Variants in RAD51B observed in about 807,000 individuals in gnomAD.
RAD51B encodes DNA repair protein RAD51 homolog 2.
A neutral mutation model predicts 42.2 loss-of-function variants in RAD51B; 38 were observed. That is an observed-to-expected ratio of 0.90 (90% CI 0.70 to 1.18). The LOEUF is 1.18. Ranked by LOEUF, RAD51B falls within the 50% of genes most tolerant of loss-of-function variation. The probability of loss-of-function intolerance (pLI) is 0.00; values close to 1 mark genes in which losing one functional copy is unlikely to be tolerated. For missense variants in RAD51B, 373 were observed against 400.7 expected (o/e 0.93, Z 0.59); for synonymous variants, 154 against 145.2 (o/e 1.06, Z -0.43).
At chr14:67,982,314 A>G (rs1434472063) in intron 7 of RAD51B, among the ~76,000 whole-genome samples, 1 of 152,240 alleles carries the variant, frequency 6.6e-6, no homozygotes, top group African/African-American at 2.4e-5. Context: ...AAAAAATTGT[A>G]AAGAGGTGTT....
At chr14:68,503,559 GACAA>G (rs1376280992) in intron 10 of RAD51B, among the ~76,000 whole-genome samples, 1 of 152,162 alleles carries the variant, frequency 6.6e-6, no homozygotes, top group Non-Finnish European at 1.5e-5. Flanking sequence ...TTTTCCAGGT[GACAA>G]ACAGAGATTC....
chr14:68,081,272 T>C (rs2076908182), intron 7 of RAD51B, among the ~76,000 whole-genome samples: 1 of 152,282 alleles, frequency 6.6e-6, no homozygotes, highest in African/African-American at 2.4e-5. Context: ...TACTGAGTTG[T>C]TTTTTGTTTT....
downstream of RAD51B, among the ~76,000 whole-genome samples, chr14:68,479,534 C>G (rs1465421415): frequency 6.6e-6 from 1 of 152,178 alleles, no homozygotes; most frequent in South Asian, 2.1e-4. Context: ...AAATTTCCCC[C>G]AGTTTATTCC....
At chr14:68,383,016 C>T (rs1008249552) in intron 8 of RAD51B, among the ~76,000 whole-genome samples, 1 of 152,120 alleles carries the variant, frequency 6.6e-6, no homozygotes, top group Non-Finnish European at 1.5e-5. Flanking sequence ...CCTCTTTCTA[C>T]ATAAGAAACC....
chr14:68,169,311 C>G (rs968724101), intron 7 of RAD51B, among the ~76,000 whole-genome samples: 1 of 152,102 alleles, frequency 6.6e-6, no homozygotes, highest in African/African-American at 2.4e-5. Flanking sequence ...CTCATACAGC[C>G]TGCTTTCATT....
chr14:68,458,651 C>G (rs558562982), intron 9 of RAD51B, among the ~76,000 whole-genome samples: 5 of 150,410 alleles, frequency 3.3e-5, no homozygotes, highest in Non-Finnish European at 7.4e-5. Context: ...AGAGACTCTT[C>G]CCAGAGACTA....
intron 3 of RAD51B, among the ~76,000 whole-genome samples, chr14:67,831,065 C>CA (rs10636337): frequency 1.3e-5 from 2 of 151,084 alleles, no homozygotes; most frequent in Non-Finnish European, 3.0e-5. Context: ...TTAGTAGAGA[C>CA]GGTTTCAGCA....
intron 10 of RAD51B, among the ~76,000 whole-genome samples, chr14:68,484,304 C>G (rs1883432564): frequency 6.6e-6 from 1 of 151,964 alleles, no homozygotes; most frequent in Non-Finnish European, 1.5e-5. Context: ...TTCAACCTAC[C>G]TGCATGAAAC....
intron 7 of RAD51B, among the ~76,000 whole-genome samples, chr14:68,122,040 G>A (rs1307307036): frequency 6.6e-6 from 1 of 151,980 alleles, no homozygotes; most frequent in East Asian, 1.9e-4. Context: ...ATTAGGCAAA[G>A]AAATGGAGTT....
Position 67,948,048 on chromosome 14 carries a change from A to G in RAD51B, c.756+60844A>G, listed in dbSNP as rs907414513. 8.1e-4 allele frequency among the ~76,000 whole-genome samples: 123 copies of G among 152,086 alleles called. 1 individual carries two copies. The highest frequency in any genetic ancestry group is 2.9e-3 in the African/African-American group (121 of 41,378). ...GTGGCAAAATTAGGTAAATAGTTCT[A>G]TTTGTTAAGGAAAAAATCTGTCTTG... On this transcript the variant is annotated intron_variant, in intron 7 of 10. Transcript: ENST00000471583.
intron 7 of RAD51B, among the ~76,000 whole-genome samples, chr14:67,907,225 A>G (rs907849959): frequency 5.9e-5 from 9 of 151,678 alleles, no homozygotes; most frequent in African/African-American, 2.2e-4. Flanking sequence ...TCGTGACTCA[A>G]TTTCATTCAA....
At chr14:68,264,160 G>A (rs150205584) in intron 7 of RAD51B, among the ~76,000 whole-genome samples, 463 of 152,300 alleles carry the variant, frequency 3.0e-3, no homozygotes, top group African/African-American at 0.01. Flanking sequence ...TTAAAACAGG[G>A]GTGAGGATCG....
At chr14:68,048,259 A>C (rs1011152428) in intron 7 of RAD51B, among the ~76,000 whole-genome samples, 7 of 152,138 alleles carry the variant, frequency 4.6e-5, no homozygotes, top group Non-Finnish European at 8.8e-5. Context: ...ATGTCTGTTC[A>C]TATCCTTCGC....
At chr14:68,281,065 A>G (rs2081311101) in intron 7 of RAD51B, among the ~76,000 whole-genome samples, 1 of 151,628 alleles carries the variant, frequency 6.6e-6, no homozygotes, top group Non-Finnish European at 1.5e-5. Context: ...TCAAAAAAAA[A>G]TGAAAAAAAA....
intron 11 of RAD51B, among the ~76,000 whole-genome samples, chr14:68,674,758 G>C (rs1164077189): frequency 1.3e-5 from 2 of 152,150 alleles, no homozygotes; most frequent in Non-Finnish European, 2.9e-5. Flanking sequence ...TGGGGCATAT[G>C]TTCCATAAGT....
chr14:68,035,640 A>C (rs2076109706), intron 7 of RAD51B, among the ~76,000 whole-genome samples: 1 of 152,228 alleles, frequency 6.6e-6, no homozygotes, highest in Non-Finnish European at 1.5e-5. Context: ...GCTAAGGTTC[A>C]ATTAGGTGTA....
chr14:68,339,070 G>A, intron 8 of RAD51B: 3 of 677,906 alleles, frequency 4.4e-6, no homozygotes, highest in Non-Finnish European at 8.1e-6. Context: ...GTCATCACCA[G>A]CTGAGCTTTC....
intron 10 of RAD51B, among the ~76,000 whole-genome samples, chr14:68,571,642 C>T (rs1278952042): frequency 6.6e-6 from 1 of 152,216 alleles, no homozygotes; most frequent in African/African-American, 2.4e-5. Flanking sequence ...AGCTAACTAA[C>T]AGCCTTAATT....
At chr14:68,141,541 T>C (rs763486729) in intron 7 of RAD51B, among the ~76,000 whole-genome samples, 1 of 152,228 alleles carries the variant, frequency 6.6e-6, no homozygotes, top group Non-Finnish European at 1.5e-5. Flanking sequence ...TAGTATTCTG[T>C]AATACATAAA....
Sources: gnomAD v4.1 joint callset for allele counts (sites outside exome capture counted in the v4.1 genomes callset) on GRCh38, gnomAD v4.1.1 for gene constraint, MANE v1.5 for transcripts, NCBI Gene and HGNC (gene_info 2026-07-23, HGNC 2026-07-21) for gene names.